The following CNTN4 variants were observed in gnomAD, a reference collection of about 807,000 sequenced individuals.
CNTN4 encodes the protein contactin 4, also known as contactin-4.
A neutral mutation model predicts 122.5 loss-of-function variants in CNTN4; 77 were observed. That is an observed-to-expected ratio of 0.63 (90% CI 0.52 to 0.76). The LOEUF (loss-of-function observed/expected upper bound fraction) is 0.76, where lower values mean the gene tolerates loss of function less well. CNTN4 is among the 30% of genes least tolerant of loss of function. The pLI, the probability that CNTN4 is intolerant of heterozygous loss-of-function variation, is 0.00. For synonymous variants in CNTN4, 512 were observed against 447.0 expected (o/e 1.15, Z -1.83); for missense variants, 1,256 against 1,259.1 (o/e 1.00, Z 0.04).
chr3:2,610,590 C>T (rs980955038), intron 4 of CNTN4, among the ~76,000 whole-genome samples: 6 of 152,104 alleles, frequency 3.9e-5, no homozygotes, highest in Non-Finnish European at 8.8e-5. Context: ...TGTATTTTGC[C>T]ATTATGGGGG....
intron 4 of CNTN4, among the ~76,000 whole-genome samples, chr3:2,621,015 C>T (rs972785568): frequency 2.6e-5 from 4 of 152,116 alleles, no homozygotes; most frequent in East Asian, 3.8e-4. Flanking sequence ...TTTAACTCAC[C>T]AAATCTTAAT....
intron 18 of CNTN4, 91 bp downstream of exon 18, chr3:3,037,419 T>C: frequency 6.5e-7 from 1 of 1,535,828 alleles, no homozygotes; most frequent in Non-Finnish European, 9.0e-7. Flanking sequence ...TCAGCGCTCA[T>C]GCGGCTCTGT....
intron 13 of CNTN4, chr3:2,985,177 G>A (rs1410502141): frequency 6.6e-6 from 1 of 152,142 alleles, no homozygotes; most frequent in Non-Finnish European, 1.5e-5. Context: ...TGAGAAGTTG[G>A]TAATCATCTG....
chr3:2,261,807 C>T (rs549882509), intron 2 of CNTN4, among the ~76,000 whole-genome samples: 3 of 152,266 alleles, frequency 2.0e-5, no homozygotes, highest in Admixed American at 2.0e-4. Context: ...TCCATTTGTA[C>T]TACTTTTTAT....
In CNTN4 at chr3:3,053,836, C is replaced by T; in HGVS notation, c.2841C>T (p.Ser947=). 1.9e-6 allele frequency: 3 copies of T among 1,614,164 alleles called. No individual in the cohort carries two copies. Among genetic ancestry groups the T allele is most frequent in the Non-Finnish European group, 2.5e-6 (3 of 1,180,024 alleles). Residue 947 remains serine, a synonymous_variant, in exon 24 of 25, where the codon AGC becomes AGT. Transcript: ENST00000418658. The part of the protein sequence containing the change: ...KVLYRWNRQS[S]TSVIETNKTS... The stretch of plus-strand genomic sequence containing the variant: ...TGTACAGATGGAACAGACAAAGCAG[C>T]ACATCTGTCATTGAAACAAATAAAA...
At chr3:2,786,258 T>G (rs1414237781) in intron 6 of CNTN4, among the ~76,000 whole-genome samples, 4 of 152,150 alleles carry the variant, frequency 2.6e-5, no homozygotes. Context: ...GCTGTCACAC[T>G]GACCCTCCAC....
intron 13 of CNTN4, among the ~76,000 whole-genome samples, chr3:2,977,215 C>T (rs1384149501): frequency 6.6e-6 from 1 of 152,212 alleles, no homozygotes; most frequent in African/African-American, 2.4e-5. Flanking sequence ...AGCAGTTCAG[C>T]TTTCAGGCAG....
chr3:2,338,752 C>T (rs1356832038), intron 2 of CNTN4, among the ~76,000 whole-genome samples: 2 of 152,000 alleles, frequency 1.3e-5, no homozygotes, highest in Non-Finnish European at 2.9e-5. Context: ...GTTAGGTACC[C>T]TCATTTTATG....
chr3:2,579,853 A>T (rs980678262), intron 4 of CNTN4, among the ~76,000 whole-genome samples: 2 of 152,226 alleles, frequency 1.3e-5, no homozygotes, highest in South Asian at 2.1e-4. Context: ...GATAATGATT[A>T]TGGTGACAGT....
chr3:2,334,494 A>ATT (rs1433591492), intron 2 of CNTN4, among the ~76,000 whole-genome samples: 1 of 152,178 alleles, frequency 6.6e-6, no homozygotes, highest in Non-Finnish European at 1.5e-5. Context: ...AAGGTAGATA[A>ATT]TTTTGGCCCT....
intron 3 of CNTN4, among the ~76,000 whole-genome samples, chr3:2,357,249 A>C (rs1182201564): frequency 6.6e-6 from 1 of 152,208 alleles, no homozygotes. Flanking sequence ...TACTTTTCAG[A>C]ATAGAAATTA....
At chr3:3,049,924 A>G (rs1333431037) in intron 23 of CNTN4, among the ~76,000 whole-genome samples, 3 of 152,322 alleles carry the variant, frequency 2.0e-5, no homozygotes, top group Non-Finnish European at 2.9e-5. Flanking sequence ...GGCTTAGTCT[A>G]TTTTATTCTG....
intron 2 of CNTN4, among the ~76,000 whole-genome samples, chr3:2,192,654 G>T (rs2037634998): frequency 6.6e-6 from 1 of 152,172 alleles, no homozygotes; most frequent in Non-Finnish European, 1.5e-5. Context: ...CGCAAAAGAA[G>T]ACATTTATGC....
chr3:2,108,433 A>T (rs988714401), intron 2 of CNTN4, among the ~76,000 whole-genome samples: 1 of 152,142 alleles, frequency 6.6e-6, no homozygotes, highest in Non-Finnish European at 1.5e-5. Context: ...GGTTCCCAGG[A>T]TGCTGGATAT....
intron 10 of CNTN4, among the ~76,000 whole-genome samples, chr3:2,895,772 C>G (rs540025433): frequency 6.6e-6 from 1 of 152,202 alleles, no homozygotes; most frequent in Non-Finnish European, 1.5e-5. Flanking sequence ...CAGTGGCTCA[C>G]GCCTGTCATC....
intron 15 of CNTN4, among the ~76,000 whole-genome samples, chr3:3,028,030 C>T (rs1444077538): frequency 6.6e-6 from 1 of 152,138 alleles, no homozygotes; most frequent in Non-Finnish European, 1.5e-5. Flanking sequence ...AGTGTACTAG[C>T]CACTAGGATC....
chr3:2,597,785 A>T (rs896040872), intron 4 of CNTN4, among the ~76,000 whole-genome samples: 2 of 152,206 alleles, frequency 1.3e-5, no homozygotes, highest in Admixed American at 1.3e-4. Context: ...ATGACCTGAC[A>T]GCGTTCTCAC....
At chr3:2,189,445 G>T (rs2037424044) in intron 2 of CNTN4, among the ~76,000 whole-genome samples, 1 of 152,188 alleles carries the variant, frequency 6.6e-6, no homozygotes, top group East Asian at 1.9e-4. Flanking sequence ...AGGCACAACA[G>T]ATTGAGTTAA....
At chr3:2,627,013 T>G (rs1182801365) in intron 4 of CNTN4, among the ~76,000 whole-genome samples, 2 of 152,214 alleles carry the variant, frequency 1.3e-5, no homozygotes, top group Non-Finnish European at 2.9e-5. Flanking sequence ...CACTTTGCTC[T>G]TCTTTGTATA....
Sources: gnomAD v4.1 joint callset for allele counts (sites outside exome capture counted in the v4.1 genomes callset) on GRCh38, gnomAD v4.1.1 for gene constraint, MANE v1.5 for transcripts, NCBI Gene and HGNC (gene_info 2026-07-23, HGNC 2026-07-21) for gene names.